KLHL2: variants seen among roughly 807,000 people sequenced by gnomAD.
KLHL2 encodes kelch-like protein 2.
Under a neutral mutation model 75.8 loss-of-function variants are expected in KLHL2, and 15 were observed. The observed-to-expected ratio is 0.20, with a 90% CI of 0.13 to 0.30. The LOEUF (loss-of-function observed/expected upper bound fraction) is 0.30. KLHL2 is among the 10% of genes least tolerant of loss of function. KLHL2 has a pLI of 1.00. For synonymous variants in KLHL2, 214 were observed against 251.9 expected (o/e 0.85, Z 1.42); for missense variants, 381 against 741.0 (o/e 0.51, Z 5.64).
intron 4 of KLHL2, among the ~76,000 whole-genome samples, chr4:165,256,202 G>T (rs1277547016): frequency 6.6e-6 from 1 of 152,116 alleles, no homozygotes; most frequent in East Asian, 1.9e-4. Flanking sequence ...TCTCTGATCA[G>T]TGGTGGCTTC....
intron 8 of KLHL2, among the ~76,000 whole-genome samples, chr4:165,301,363 CTATCCTGG>C (rs1354248741): frequency 1.3e-5 from 2 of 152,172 alleles, no homozygotes; most frequent in African/African-American, 4.8e-5. Context: ...TATTCACTTC[CTATCCTGG>C]TTTGAAAATT....
chr4:165,296,258 C>T lies in KLHL2; in HGVS notation c.655-1351C>T, dbSNP rs566439565. On this transcript the variant is annotated intron_variant, in intron 6 of 14. Coordinates refer to ENST00000226725, the MANE Select transcript of KLHL2 (RefSeq NM_007246.4). Reference sequence around the variant, plus strand: ...TCCTCCACCTACTTTTGTCTGGCTCCGGGGCTCCCGGTTGATTGGTCTCTC... The same window carrying T: ...TCCTCCACCTACTTTTGTCTGGCTCTGGGGCTCCCGGTTGATTGGTCTCTC... Among the ~76,000 whole-genome samples the T allele has an allele frequency of 4.6e-5, 7 of 152,304 alleles. No individual in the cohort carries two copies. In the South Asian group the frequency reaches 1.2e-3, roughly 27 times the overall value.
intron 4 of KLHL2, among the ~76,000 whole-genome samples, chr4:165,242,586 T>A (rs1739898463): frequency 6.6e-6 from 1 of 152,142 alleles, no homozygotes; most frequent in South Asian, 2.1e-4. Context: ...AACCTTCTCT[T>A]CCCAGGTTCA....
intron 2 of KLHL2, among the ~76,000 whole-genome samples, chr4:165,225,846 A>T (rs1359959743): frequency 2.6e-5 from 4 of 152,246 alleles, no homozygotes; most frequent in Non-Finnish European, 4.4e-5. Context: ...CTTAATTTGT[A>T]AAGTGTCTCT....
At chr4:165,316,231 C>T (rs1746579043) in intron 13 of KLHL2, among the ~76,000 whole-genome samples, 1 of 152,172 alleles carries the variant, frequency 6.6e-6, no homozygotes, top group Admixed American at 6.5e-5. Flanking sequence ...AATCTGTGAG[C>T]CCCTCATAGA....
intron 11 of KLHL2, among the ~76,000 whole-genome samples, chr4:165,312,616 C>G (rs538231748): frequency 5.3e-5 from 8 of 152,272 alleles, no homozygotes; most frequent in African/African-American, 1.9e-4. Context: ...TTATTATCCT[C>G]TAAAAGCAAT....
intron 5 of KLHL2, among the ~76,000 whole-genome samples, chr4:165,275,981 A>G (rs1006447655): frequency 3.4e-5 from 5 of 147,928 alleles, no homozygotes; most frequent in African/African-American, 1.3e-4. Context: ...AAAAAAAAAG[A>G]GCCAGGCATG....
chr4:165,210,126 T>C, intron 1 of KLHL2: 1 of 1,551,734 alleles, frequency 6.4e-7, no homozygotes, highest in South Asian at 1.2e-5. Flanking sequence ...AAAGATGACC[T>C]GGACTTAAAG....
chr4:165,297,794 C>T, intron 7 of KLHL2, 69 bp downstream of exon 7: 1 of 933,456 alleles, frequency 1.1e-6, no homozygotes, highest in Non-Finnish European at 1.8e-6. Context: ...ATGTAGATCC[C>T]TATCAAGCAG....
rs560598349 is a variant in KLHL2, at chr4:165,268,408, G to A, written c.544+5049G>A. Among the ~76,000 whole-genome samples, 8 of 152,202 alleles carry A rather than the reference G, an allele frequency of 5.3e-5. No homozygotes were observed. The South Asian group carries it at 1.7e-3, about 32-fold the overall frequency. On this transcript the variant is annotated intron_variant, in intron 5 of 14. Coordinates refer to ENST00000226725, the MANE Select transcript of KLHL2 (RefSeq NM_007246.4). ...TAGTTCTTTTAATTGTGATGTTAGG[G>A]TGTTGATTTTAGATCTTTTCTGCTT...
chr4:165,239,036 G>A lies in KLHL2; in HGVS notation c.381+137G>A, dbSNP rs1294400946. 2.3e-5 allele frequency: 32 copies of A among 1,393,998 alleles called. No homozygotes were observed. In the South Asian group the frequency reaches 4.7e-4, roughly 21 times the overall value. 86.4% of individuals were successfully genotyped at this position (1,393,998 alleles called of 1,614,324 possible). A position where few individuals can be genotyped will look rare whatever the true frequency, so the allele number is the denominator to read the frequency against. ...AAAATTGTATTTCTAAAAAATATTT[G>A]GAATGATTACACCTTTTTAGTAATG... On this transcript the variant is annotated intron_variant, in intron 4 of 14. Coordinates refer to ENST00000226725, the MANE Select transcript of KLHL2 (RefSeq NM_007246.4).
chr4:165,283,396 C>T (rs1403877258), intron 5 of KLHL2, among the ~76,000 whole-genome samples: 1 of 152,338 alleles, frequency 6.6e-6, no homozygotes, highest in Non-Finnish European at 1.5e-5. Context: ...AATGGGGATA[C>T]AAGCATTGGG....
chr4:165,315,280 G>A (rs546041099), intron 13 of KLHL2, among the ~76,000 whole-genome samples: 1 of 152,086 alleles, frequency 6.6e-6, no homozygotes, highest in East Asian at 1.9e-4. Flanking sequence ...TGTGTTTATT[G>A]TTTTCATATC....
At chr4:165,216,623 T>A (rs1737558038) in intron 1 of KLHL2, among the ~76,000 whole-genome samples, 1 of 152,200 alleles carries the variant, frequency 6.6e-6, no homozygotes, top group Admixed American at 6.5e-5. Flanking sequence ...ACTTAACTAG[T>A]TATTCCTAGT....
intron 1 of KLHL2, chr4:165,209,934 C>T (rs999420001): frequency 3.1e-6 from 4 of 1,281,924 alleles, no homozygotes; most frequent in Admixed American, 2.9e-5. Context: ...CCTCCACTCC[C>T]ATTAACATCC....
intron 2 of KLHL2, among the ~76,000 whole-genome samples, chr4:165,226,099 A>G (rs1383212014): frequency 2.6e-5 from 4 of 152,226 alleles, no homozygotes; most frequent in Non-Finnish European, 5.9e-5. Context: ...CTAAAGCACT[A>G]GGAAGGATTA....
chr4:165,277,166 C>T (rs1284572747), intron 5 of KLHL2, among the ~76,000 whole-genome samples: 1 of 152,064 alleles, frequency 6.6e-6, no homozygotes, highest in Non-Finnish European at 1.5e-5. Context: ...CCTGTTAGAA[C>T]CTTCTGAATA....
intron 5 of KLHL2, among the ~76,000 whole-genome samples, chr4:165,272,041 A>G (rs1196776236): frequency 1.3e-5 from 2 of 152,244 alleles, no homozygotes; most frequent in Non-Finnish European, 2.9e-5. Flanking sequence ...TACCAAATAA[A>G]TAATGGTTCA....
At chr4:165,277,855 C>T in intron 5 of KLHL2, 1 of 772,600 alleles carries the variant, frequency 1.3e-6, no homozygotes, top group Non-Finnish European at 2.4e-6. Context: ...CTTGGAGGGT[C>T]ACGCAGCAAG....
Sources: gnomAD v4.1 joint callset for allele counts (sites outside exome capture counted in the v4.1 genomes callset) on GRCh38, gnomAD v4.1.1 for gene constraint, MANE v1.5 for transcripts, NCBI Gene and HGNC (gene_info 2026-07-23, HGNC 2026-07-21) for gene names.